The following FBXO25 variants were observed in gnomAD, a reference collection of about 807,000 sequenced individuals.
FBXO25 encodes the protein F-box only protein 25.
FBXO25 carries 45 observed loss-of-function variants against 51.9 expected under a neutral mutation model. The observed-to-expected ratio is 0.87, with a 90% CI of 0.68 to 1.11. The LOEUF (loss-of-function observed/expected upper bound fraction) is 1.11. Ranked by LOEUF, FBXO25 falls within the 50% of genes most tolerant of loss-of-function variation. The probability of loss-of-function intolerance (pLI) is 0.00; values close to 1 mark genes in which losing one functional copy is unlikely to be tolerated. For synonymous variants in FBXO25, 199 were observed against 151.0 expected, an observed-to-expected ratio of 1.32 and a Z score of -2.33; for missense variants, 507 against 428.5, an observed-to-expected ratio of 1.18 and a Z score of -1.62.
Position 473,616 on chromosome 8 carries a change from C to G in FBXO25, c.*4812C>G, listed in dbSNP as rs919576670. 5.9e-5 allele frequency: 9 copies of G among 152,178 alleles called. No individual in the cohort carries two copies. Among genetic ancestry groups the G allele is most frequent in the African/African-American group, 9.7e-5 (4 of 41,418 alleles). The allele number at this position is 152,178 out of a possible 1,614,324, so 9.4% of individuals were successfully genotyped here. A position where few individuals can be genotyped will look rare whatever the true frequency, so the allele number is the denominator to read the frequency against. On this transcript the variant is annotated 3_prime_UTR_variant, in exon 10 of 10. Coordinates refer to ENST00000350302, the MANE Select transcript of FBXO25 (RefSeq NM_183420.2). ...ACAGAGTGACAAAGAACAGAGATGC[C>G]CAGAGCACCAGCTGGAGGGGCAAGC...
intron 5 of FBXO25, among the ~76,000 whole-genome samples, chr8:445,206 A>G (rs1298007193): frequency 6.6e-6 from 1 of 152,208 alleles, no homozygotes; most frequent in Non-Finnish European, 1.5e-5. Flanking sequence ...TCTGTGGGTA[A>G]CTAGTCTAAA....
intron 5 of FBXO25, among the ~76,000 whole-genome samples, chr8:440,158 C>T (rs1313452782): frequency 6.6e-6 from 1 of 152,140 alleles, no homozygotes; most frequent in Non-Finnish European, 1.5e-5. Flanking sequence ...AATTCTGTCT[C>T]TTTCTTATTT....
intron 5 of FBXO25, among the ~76,000 whole-genome samples, chr8:436,172 T>C (rs1169397041): frequency 6.6e-6 from 1 of 152,228 alleles, no homozygotes; most frequent in African/African-American, 2.4e-5. Context: ...AAAAGCCTTA[T>C]TGCATTAATG....
At chr8:423,537 C>T (rs1797285296) in intron 2 of FBXO25, among the ~76,000 whole-genome samples, 1 of 151,974 alleles carries the variant, frequency 6.6e-6, no homozygotes, top group Non-Finnish European at 1.5e-5. Flanking sequence ...TAAGTGAGAA[C>T]ATGTGGTATT....
chr8:419,835 T>G (rs1482561182), intron 2 of FBXO25, among the ~76,000 whole-genome samples: 1 of 152,168 alleles, frequency 6.6e-6, no homozygotes, highest in Non-Finnish European at 1.5e-5. Context: ...TTTAAAATTC[T>G]ACTCTCAGAG....
Position 472,794 on chromosome 8 carries a change from C to A in FBXO25, c.*3990C>A, listed in dbSNP as rs1436367636. 6.6e-6 allele frequency: 1 copy of A among 152,166 alleles called. No individual in the cohort carries two copies. The highest frequency in any genetic ancestry group is 1.5e-5 in the Non-Finnish European group (1 of 68,018). 9.4% of individuals were successfully genotyped at this position (152,166 alleles called of 1,614,324 possible). A position where few individuals can be genotyped will look rare whatever the true frequency, so the allele number is the denominator to read the frequency against. Reference sequence around the variant, plus strand: ...CTTAGTAGATAAGTGGACTGTGAAACCTAGTCTGTTCTGCTTATCTTCAGA... The same window carrying A: ...CTTAGTAGATAAGTGGACTGTGAAAACTAGTCTGTTCTGCTTATCTTCAGA... On this transcript the variant is annotated 3_prime_UTR_variant, in exon 10 of 10. Coordinates refer to ENST00000350302, the MANE Select transcript of FBXO25 (RefSeq NM_183420.2).
chr8:426,514 A>T (rs1797489471), intron 2 of FBXO25, among the ~76,000 whole-genome samples: 1 of 151,998 alleles, frequency 6.6e-6, no homozygotes, highest in African/African-American at 2.4e-5. Flanking sequence ...GGTGGCTGAG[A>T]TTTAGTCTGT....
At chr8:411,138 T>C (rs1796462883) in intron 1 of FBXO25, among the ~76,000 whole-genome samples, 1 of 152,230 alleles carries the variant, frequency 6.6e-6, no homozygotes, top group African/African-American at 2.4e-5. Flanking sequence ...TTCTATATTA[T>C]AAAATACTCA....
intron 2 of FBXO25, among the ~76,000 whole-genome samples, chr8:413,988 T>G (rs1796646006): frequency 6.6e-6 from 1 of 152,220 alleles, no homozygotes; most frequent in Non-Finnish European, 1.5e-5. Flanking sequence ...TGAGATAGCC[T>G]CCTCTAGAAT....
At chr8:432,062 A>G (rs1797849286) in intron 3 of FBXO25, among the ~76,000 whole-genome samples, 1 of 152,214 alleles carries the variant, frequency 6.6e-6, no homozygotes, top group Non-Finnish European at 1.5e-5. Flanking sequence ...AGGTGCAGTA[A>G]GAGATTAACG....
intron 8 of FBXO25, among the ~76,000 whole-genome samples, chr8:462,563 A>G: frequency 6.6e-6 from 1 of 152,232 alleles, no homozygotes; most frequent in Non-Finnish European, 1.5e-5. Context: ...ATTTCAAATA[A>G]TTGTTTTATG....
chr8:420,172 A>G (rs1797063379), intron 2 of FBXO25, among the ~76,000 whole-genome samples: 1 of 152,150 alleles, frequency 6.6e-6, no homozygotes, highest in African/African-American at 2.4e-5. Context: ...GTTCTGGGGA[A>G]TGAGACTGCC....
chr8:471,997 T>G lies in FBXO25; in HGVS notation c.*3193T>G, dbSNP rs1344394198. Reference sequence around the variant, plus strand: ...ACCTTTGTAGATTCCTGATGCTGTGTACAAAATCATGTCATCTATGAATAG... The same window carrying G: ...ACCTTTGTAGATTCCTGATGCTGTGGACAAAATCATGTCATCTATGAATAG... On this transcript the variant is annotated 3_prime_UTR_variant, in exon 10 of 10. Coordinates refer to ENST00000350302, the MANE Select transcript of FBXO25 (RefSeq NM_183420.2). 1 of 152,274 alleles carries G rather than the reference T, an allele frequency of 6.6e-6. No homozygotes were observed. The highest frequency in any genetic ancestry group is 1.9e-4 in the East Asian group (1 of 5,200). 9.4% of individuals were successfully genotyped at this position (152,274 alleles called of 1,614,324 possible). A position where few individuals can be genotyped will look rare whatever the true frequency, so the allele number is the denominator to read the frequency against.
chr8:415,200 T>C (rs1447517723), intron 2 of FBXO25, among the ~76,000 whole-genome samples: 1 of 152,214 alleles, frequency 6.6e-6, no homozygotes, highest in Non-Finnish European at 1.5e-5. Context: ...GTAAAAATAA[T>C]TTAGGTAATC....
chr8:444,751 A>G (rs988557664), intron 5 of FBXO25, among the ~76,000 whole-genome samples: 16 of 152,000 alleles, frequency 1.1e-4, no homozygotes, highest in East Asian at 1.9e-4. Context: ...TTTTTACTGT[A>G]CCTTTCCTAT....
chr8:428,497 T>A (rs1797628269), intron 2 of FBXO25, among the ~76,000 whole-genome samples: 1 of 149,506 alleles, frequency 6.7e-6, no homozygotes, highest in African/African-American at 2.5e-5. Context: ...CTACTTCCTC[T>A]CCTCTCTTGC....
intron 2 of FBXO25, among the ~76,000 whole-genome samples, chr8:421,558 G>C (rs1797155815): frequency 6.6e-6 from 1 of 152,212 alleles, no homozygotes; most frequent in Non-Finnish European, 1.5e-5. Flanking sequence ...TTATCCTGTG[G>C]TTCTGGATCA....
chr8:472,818 G>C lies in FBXO25; in HGVS notation c.*4014G>C, dbSNP rs4559220. 0.081 allele frequency: 12,304 copies of C among 152,210 alleles called. 643 individuals are homozygous for C. Among genetic ancestry groups the C allele is most frequent in the South Asian group, 0.17 (797 of 4,818 alleles). The allele number at this position is 152,210 out of a possible 1,614,324, so 9.4% of individuals were successfully genotyped here. ...ACCTAGTCTGTTCTGCTTATCTTCAGAATTATCAAAAGGAAGGGGTGCTGC... is the reference window on the plus strand; with the variant it reads ...ACCTAGTCTGTTCTGCTTATCTTCACAATTATCAAAAGGAAGGGGTGCTGC... On this transcript the variant is annotated 3_prime_UTR_variant, in exon 10 of 10. Coordinates refer to ENST00000350302, the MANE Select transcript of FBXO25 (RefSeq NM_183420.2).
intron 1 of FBXO25, among the ~76,000 whole-genome samples, chr8:409,795 A>G (rs776772922): frequency 6.6e-6 from 1 of 152,096 alleles, no homozygotes; most frequent in Non-Finnish European, 1.5e-5. Context: ...GCCCTAGAAA[A>G]TTATTATTCT....
Sources: gnomAD v4.1 joint callset for allele counts (sites outside exome capture counted in the v4.1 genomes callset) on GRCh38, gnomAD v4.1.1 for gene constraint, MANE v1.5 for transcripts, NCBI Gene and HGNC (gene_info 2026-07-23, HGNC 2026-07-21) for gene names.